Variants in HMGN5 observed in about 807,000 individuals in gnomAD.
The protein encoded by HMGN5 is high mobility group nucleosome-binding domain-containing protein 5.
A neutral mutation model predicts 9.5 loss-of-function variants in HMGN5; 4 were observed. The observed-to-expected ratio is 0.42, with a 90% CI of 0.21 to 0.96. HMGN5 has a LOEUF of 0.96. Ranked by LOEUF, HMGN5 falls within the 40% of genes least tolerant of loss-of-function variation. The pLI, the probability that HMGN5 is intolerant of heterozygous loss-of-function variation, is 0.30. For synonymous variants in HMGN5, 55 were observed against 57.1 expected (o/e 0.96, Z 0.16); for missense variants, 192 against 187.5 (o/e 1.02, Z -0.14).
chrX:81,123,105 A>C (rs928326358), intron 1 of HMGN5, among the ~76,000 whole-genome samples: 2 of 111,694 alleles, frequency 1.8e-5, no homozygotes, highest in Admixed American at 1.9e-4. Flanking sequence ...TAAACACTGT[A>C]TCTGCTACAG....
chrX:81,130,281 A>G, intron 1 of HMGN5, among the ~76,000 whole-genome samples: 1 of 111,568 alleles, frequency 9.0e-6, no homozygotes, highest in South Asian at 3.7e-4. Flanking sequence ...TACTAGTTGT[A>G]TGTAATTAGT....
intron 1 of HMGN5, among the ~76,000 whole-genome samples, chrX:81,144,609 G>A (rs1482167906): frequency 2.7e-5 from 3 of 111,392 alleles, no homozygotes; most frequent in African/African-American, 6.5e-5. Context: ...AAGGCACAAC[G>A]TTTTGCCAGT....
At chrX:81,141,022 G>C (rs1456484610) in intron 1 of HMGN5, among the ~76,000 whole-genome samples, 2 of 111,594 alleles carry the variant, frequency 1.8e-5, no homozygotes, top group Non-Finnish European at 3.8e-5. Context: ...TGGTAGTCTG[G>C]CAGAACTCCC....
At chrX:81,172,866 G>A (rs2075430439) in intron 1 of HMGN5, among the ~76,000 whole-genome samples, 2 of 110,978 alleles carry the variant, frequency 1.8e-5, no homozygotes, top group Non-Finnish European at 3.8e-5. Flanking sequence ...ACTCATAAAA[G>A]AGAAATATGG....
At chrX:81,141,382 G>C (rs1225363757) in intron 1 of HMGN5, among the ~76,000 whole-genome samples, 1 of 110,562 alleles carries the variant, frequency 9.0e-6, no homozygotes, top group Non-Finnish European at 1.9e-5. Context: ...CTGGCTACAA[G>C]TCTGACCCAG....
At chrX:81,180,654 G>A (rs752083284) in intron 1 of HMGN5, among the ~76,000 whole-genome samples, 13 of 111,750 alleles carry the variant, frequency 1.2e-4, no homozygotes, top group Non-Finnish European at 2.3e-4. Context: ...ATCCCTCAAG[G>A]ATCTAGAACT....
At chrX:81,199,416 G>T (rs1285256906) in intron 1 of HMGN5, among the ~76,000 whole-genome samples, 1 of 112,470 alleles carries the variant, frequency 8.9e-6, no homozygotes, top group Non-Finnish European at 1.9e-5. Flanking sequence ...AGCCCACATG[G>T]CCAAGACAAT....
chrX:81,141,824 C>G (rs1224904716), intron 1 of HMGN5, among the ~76,000 whole-genome samples: 3 of 111,680 alleles, frequency 2.7e-5, no homozygotes, highest in Non-Finnish European at 5.6e-5. Context: ...CAACAGCACC[C>G]AGGAAAACAT....
At chrX:81,145,509 C>G (rs749120755) in intron 1 of HMGN5, among the ~76,000 whole-genome samples, 54 of 112,046 alleles carry the variant, frequency 4.8e-4, no homozygotes, top group Non-Finnish European at 8.4e-4. Context: ...AAGTACTAAA[C>G]ATGGAAAGGA....
intron 1 of HMGN5, among the ~76,000 whole-genome samples, chrX:81,194,692 C>G (rs1569353572): frequency 9.0e-6 from 1 of 111,587 alleles, no homozygotes; most frequent in Non-Finnish European, 1.9e-5. Flanking sequence ...AAGAGAGAAA[C>G]TGACAAACTG....
At chrX:81,138,872 T>C (rs1192967742) in intron 1 of HMGN5, among the ~76,000 whole-genome samples, 3 of 111,841 alleles carry the variant, frequency 2.7e-5, no homozygotes, top group Admixed American at 9.5e-5. Flanking sequence ...AAGCACAATA[T>C]CATTTACAAT....
At chrX:81,183,867 TA>T (rs34514379) in intron 1 of HMGN5, among the ~76,000 whole-genome samples, 18,346 of 111,881 alleles carry the variant, frequency 0.16, 1,579 homozygotes, top group East Asian at 0.74. Context: ...GAGTGCTTAT[TA>T]AATGCCTATA....
intron 1 of HMGN5, among the ~76,000 whole-genome samples, chrX:81,154,523 A>G (rs2075377585): frequency 9.0e-6 from 1 of 111,536 alleles, no homozygotes; most frequent in South Asian, 3.7e-4. Context: ...ATGGGATCAC[A>G]TCAAGTTAAA....
chrX:81,167,950 AG>A (rs1187118050), intron 1 of HMGN5, among the ~76,000 whole-genome samples: 1 of 112,218 alleles, frequency 8.9e-6, no homozygotes, highest in Non-Finnish European at 1.9e-5. Flanking sequence ...ATACTGCAAA[AG>A]ACCTCCAAAT....
intron 1 of HMGN5, among the ~76,000 whole-genome samples, chrX:81,174,252 T>A (rs769580281): frequency 1.8e-5 from 2 of 111,461 alleles, no homozygotes; most frequent in African/African-American, 6.5e-5. Flanking sequence ...TTTTCCTTTT[T>A]ATTTAATTTA....
rs749206526 is a variant in HMGN5 at position 81,154,669 on chromosome X, G to GA, written c.-123-32998dup. On this transcript the variant is annotated intron_variant, in intron 1 of 6. Transcript: ENST00000358130. ...ATAAGGAGCTCAGACAACTCTATAG[G>GA]AAAAAAAAGTATAATAATCCAATTA... is the stretch of plus-strand genomic sequence containing the variant. Among the ~76,000 whole-genome samples the GA allele has an allele frequency of 4.3e-3, 468 of 109,699 alleles. 2 individuals are homozygous for GA. Among genetic ancestry groups the GA allele is most frequent in the East Asian group, 0.015 (54 of 3,536 alleles).
chrX:81,129,663 T>C (rs2075293548), intron 1 of HMGN5, among the ~76,000 whole-genome samples: 1 of 112,014 alleles, frequency 8.9e-6, no homozygotes. Context: ...TGACATTTTA[T>C]AGTTAAATAT....
At chrX:81,134,841 A>G (rs1372490359) in intron 1 of HMGN5, among the ~76,000 whole-genome samples, 3 of 111,582 alleles carry the variant, frequency 2.7e-5, no homozygotes, top group Non-Finnish European at 5.7e-5. Context: ...CTGATTTTCA[A>G]CAAAAGTTCA....
At chrX:81,138,973 A>C (rs1426071288) in intron 1 of HMGN5, among the ~76,000 whole-genome samples, 2 of 112,109 alleles carry the variant, frequency 1.8e-5, no homozygotes, top group Non-Finnish European at 3.8e-5. Context: ...TGAAGAACAT[A>C]AAAAAAGAAA....
Sources: allele counts gnomAD v4.1 joint callset (sites outside exome capture counted in the v4.1 genomes callset), GRCh38; gene constraint gnomAD v4.1.1; transcripts MANE v1.5; gene names NCBI Gene and HGNC (gene_info 2026-07-23, HGNC 2026-07-21).